Variants in ADAMTS9 observed in about 807,000 individuals in gnomAD.
The protein encoded by ADAMTS9 is A disintegrin and metalloproteinase with thrombospondin motifs 9.
Under a neutral mutation model 257.1 loss-of-function variants are expected in ADAMTS9, and 107 were observed. That is an observed-to-expected ratio of 0.42 (90% confidence interval 0.36 to 0.49). ADAMTS9 has a LOEUF of 0.49. ADAMTS9 is among the 20% of genes least tolerant of loss of function. The probability of loss-of-function intolerance (pLI) is 0.03; values close to 1 mark genes in which losing one functional copy is unlikely to be tolerated. For missense variants in ADAMTS9, 2,353 were observed against 2,469.1 expected, an observed-to-expected ratio of 0.95 and a Z score of 1.00; for synonymous variants, 982 against 880.9, an observed-to-expected ratio of 1.11 and a Z score of -2.03.
Position 64,550,996 on chromosome 3 carries a change from C to G in ADAMTS9, c.4765G>C (p.Glu1589Gln), listed in dbSNP as rs566603785. ...KVVCVDDNKN[E>Q]VHGARCDVSK... ...ACGTCACAGCGTGCCCCATGCACCT[C>G]GTTTTTGTTGTCATCCACACACACC... Residue 1589 changes from glutamate (E) to glutamine (Q), a missense_variant, in exon 31 of 40, where the codon GAG (glutamate) becomes CAG (glutamine). Transcript: ENST00000498707. 1.3e-5 allele frequency: 21 copies of G among 1,614,200 alleles called. No homozygotes were observed. In the Admixed American group the frequency reaches 1.8e-4, roughly 14 times the overall value.
Position 64,561,620 on chromosome 3 carries a change from T to G in ADAMTS9, c.4656A>C (p.Pro1552=), listed in dbSNP as rs779037653. 3.1e-6 allele frequency: 5 copies of G among 1,613,906 alleles called. No individual in the cohort carries two copies. ...CCCTCCAAGTGTAGAGGGGACACCG[T>G]GGGCCTTGGCAGTCGCGTTCCGACT... ...RPESERDCQG[P]RCPLYTWRAE... The change falls in exon 30 of 40, where the codon CCA becomes CCC. Residue 1552 remains proline, a synonymous_variant. Transcript: ENST00000498707.
chr3:64,516,393 A>C lies in ADAMTS9; in HGVS notation c.*734T>G, dbSNP rs1244762100. ...AAGGATAAAGTCTAAGTCTCTTCCAAAAAAGGCATATCCAAAAATAAGGGT... is the reference window on the plus strand; with the variant it reads ...AAGGATAAAGTCTAAGTCTCTTCCACAAAAGGCATATCCAAAAATAAGGGT... On this transcript the variant is annotated 3_prime_UTR_variant, in exon 40 of 40. Coordinates refer to ENST00000498707, the MANE Select transcript of ADAMTS9 (RefSeq NM_182920.2). 6.6e-6 allele frequency: 1 copy of C among 152,626 alleles called. No individual in the cohort carries two copies. The highest frequency in any genetic ancestry group is 1.5e-5 in the Non-Finnish European group (1 of 68,040). 9.5% of individuals were successfully genotyped at this position (152,626 alleles called of 1,614,324 possible).
chr3:64,517,356 C>G (rs970053347), intron 39 of ADAMTS9, among the ~76,000 whole-genome samples: 2 of 148,446 alleles, frequency 1.3e-5, no homozygotes, highest in South Asian at 4.3e-4. Context: ...CCTCCCATCT[C>G]AGCCTCCCAA....
At chr3:64,600,622 G>T (rs149985435) in intron 26 of ADAMTS9, among the ~76,000 whole-genome samples, 1 of 152,236 alleles carries the variant, frequency 6.6e-6, no homozygotes, top group Non-Finnish European at 1.5e-5. Context: ...TGAGACACTC[G>T]GTGATTACTT....
chr3:64,547,356 GC>G, intron 31 of ADAMTS9, among the ~76,000 whole-genome samples: 1 of 2,276 alleles, frequency 4.4e-4, no homozygotes, highest in African/African-American at 4.8e-4. Flanking sequence ...AGAGGAGACA[GC>G]AGCAGCTGAC....
chr3:64,616,861 T>A (rs888233832), intron 19 of ADAMTS9, among the ~76,000 whole-genome samples: 4 of 152,236 alleles, frequency 2.6e-5, no homozygotes, highest in African/African-American at 9.6e-5. Flanking sequence ...TCTTGACTGT[T>A]CACTCATCAC....
Position 64,541,638 on chromosome 3 carries a change from C to CA in ADAMTS9, c.5198-19dup. On this transcript the variant is annotated intron_variant, in intron 33 of 39. Transcript: ENST00000498707. ...TAACTCACCTAGAAAACACCAATCA[C>CA]AAAAAATAGGGTGTGATGATCCGAG... is the stretch of plus-strand genomic sequence containing the variant. The CA allele has an allele frequency of 6.2e-7, 1 of 1,601,746 alleles. No homozygotes were observed. Among genetic ancestry groups the CA allele is most frequent in the Non-Finnish European group, 8.6e-7 (1 of 1,169,296 alleles).
intron 30 of ADAMTS9, among the ~76,000 whole-genome samples, chr3:64,555,582 G>A (rs1056910902): frequency 2.3e-5 from 3 of 127,864 alleles, no homozygotes; most frequent in African/African-American, 1.2e-4. Context: ...TACCTGTGCA[G>A]TTGTGTAAGC....
intron 28 of ADAMTS9, chr3:64,589,180 A>G (rs1467616643): frequency 6.6e-6 from 1 of 152,228 alleles, no homozygotes; most frequent in Non-Finnish European, 1.5e-5. Context: ...ATATTTTGCC[A>G]TTCCCTAAAC....
At chr3:64,680,139 G>C (rs1309838996) in intron 3 of ADAMTS9, among the ~76,000 whole-genome samples, 3 of 152,142 alleles carry the variant, frequency 2.0e-5, no homozygotes, top group African/African-American at 7.2e-5. Flanking sequence ...TTCCAGGAGA[G>C]AATAGGACAC....
chr3:64,618,023 G>C (rs2106851480), intron 19 of ADAMTS9, among the ~76,000 whole-genome samples: 1 of 152,240 alleles, frequency 6.6e-6, no homozygotes, highest in African/African-American at 2.4e-5. Context: ...GGCTTGGTTT[G>C]TGTCGGTGTA....
intron 38 of ADAMTS9, among the ~76,000 whole-genome samples, chr3:64,525,842 C>T (rs569735098): frequency 5.3e-5 from 8 of 151,552 alleles, no homozygotes; most frequent in African/African-American, 1.9e-4. Context: ...AACTCCTGAC[C>T]TCAACCGATC....
intron 26 of ADAMTS9, among the ~76,000 whole-genome samples, chr3:64,601,144 A>G (rs2084452639): frequency 6.6e-6 from 1 of 152,146 alleles, no homozygotes; most frequent in Admixed American, 6.5e-5. Flanking sequence ...GGCCTCCCTA[A>G]TTTGAAGGAC....
At chr3:64,636,083 T>C (rs1172905910) in intron 12 of ADAMTS9, among the ~76,000 whole-genome samples, 1 of 102,676 alleles carries the variant, frequency 9.7e-6, no homozygotes, top group African/African-American at 5.8e-5. Flanking sequence ...GTTTTTTAAA[T>C]TGATTTTTTT....
chr3:64,632,088 T>C lies in ADAMTS9; in HGVS notation c.2176-163A>G, dbSNP rs1700380431. On this transcript the variant is annotated intron_variant, in intron 14 of 39. Coordinates refer to ENST00000498707, the MANE Select transcript of ADAMTS9 (RefSeq NM_182920.2). ...TGAAATTATATACTGCCTTGCTATT[T>C]AAAATGTGGTCCTTGGACCAGCAGC... Among the ~76,000 whole-genome samples the C allele has an allele frequency of 2.0e-5, 3 of 152,212 alleles. No homozygotes were observed. In the South Asian group the frequency reaches 6.2e-4, roughly 32 times the overall value.
intron 29 of ADAMTS9, chr3:64,563,267 C>G (rs1338060489): frequency 1.3e-5 from 2 of 152,030 alleles, no homozygotes; most frequent in African/African-American, 4.8e-5. Flanking sequence ...ATAGAGTTAC[C>G]CCATAAATGA....
chr3:64,570,927 G>A (rs1302184847), intron 28 of ADAMTS9, among the ~76,000 whole-genome samples: 1 of 152,016 alleles, frequency 6.6e-6, no homozygotes, highest in South Asian at 2.1e-4. Context: ...AAAGGATATA[G>A]AATCATGGGT....
chr3:64,532,638 T>C (rs371812266), intron 38 of ADAMTS9, among the ~76,000 whole-genome samples: 4 of 152,156 alleles, frequency 2.6e-5, no homozygotes, highest in African/African-American at 9.6e-5. Context: ...GTGACACTGA[T>C]GCACTGCGTA....
intron 8 of ADAMTS9, among the ~76,000 whole-genome samples, chr3:64,651,405 G>C (rs1360239986): frequency 1.3e-5 from 2 of 152,132 alleles, no homozygotes; most frequent in South Asian, 2.1e-4. Flanking sequence ...AAAGATGCAG[G>C]CTGGCCCATG....
Sources: gnomAD v4.1 joint callset for allele counts (sites outside exome capture counted in the v4.1 genomes callset) on GRCh38, gnomAD v4.1.1 for gene constraint, MANE v1.5 for transcripts, NCBI Gene and HGNC (gene_info 2026-07-23, HGNC 2026-07-21) for gene names.